Variants in SRFBP1 observed in about 807,000 individuals in gnomAD.
SRFBP1 encodes the protein serum response factor binding protein 1.
SRFBP1 carries 47 observed loss-of-function variants against 45.5 expected under a neutral mutation model. The ratio of observed to expected loss-of-function variants is 1.03; its 90% CI spans 0.82 to 1.32. The LOEUF is 1.32. Ranked by LOEUF, SRFBP1 falls within the 40% of genes most tolerant of loss-of-function variation. SRFBP1 has a pLI of 0.00. For synonymous variants in SRFBP1, 203 were observed against 166.3 expected, an observed-to-expected ratio of 1.22 and a Z score of -1.70; for missense variants, 621 against 484.6, an observed-to-expected ratio of 1.28 and a Z score of -2.64.
At chr5:122,014,896 AAAACAGGGATTTGG>A (rs1753166575) in intron 4 of SRFBP1, among the ~76,000 whole-genome samples, 1 of 152,208 alleles carries the variant, frequency 6.6e-6, no homozygotes, top group Non-Finnish European at 1.5e-5. Flanking sequence ...GCAAGTTGTC[AAAACAGGGATTTGG>A]AAACAGCAGT....
At chr5:122,020,884 G>T (rs925154633) in intron 6 of SRFBP1, 82 bp downstream of exon 6, 8 of 1,268,332 alleles carry the variant, frequency 6.3e-6, no homozygotes, top group Admixed American at 6.4e-5. Flanking sequence ...TACATGAAGA[G>T]ACTATAATTC....
At chr5:122,021,713 A>G (rs1471203095) in intron 6 of SRFBP1, among the ~76,000 whole-genome samples, 2 of 117,324 alleles carry the variant, frequency 1.7e-5, no homozygotes, top group African/African-American at 3.4e-5. Context: ...GTCTCACTCT[A>G]TCACCCAGGC....
intron 1 of SRFBP1, among the ~76,000 whole-genome samples, chr5:121,962,865 C>T (rs1263781017): frequency 6.6e-6 from 1 of 152,172 alleles, no homozygotes; most frequent in African/African-American, 2.4e-5. Flanking sequence ...CGTTTATGAG[C>T]AAGTCACTGT....
intron 7 of SRFBP1, among the ~76,000 whole-genome samples, chr5:122,025,692 G>A (rs17148711): frequency 0.05 from 7,627 of 152,228 alleles, 241 homozygotes; most frequent in African/African-American, 0.08. Context: ...TGTGATTTGT[G>A]TAAGATAAGG....
chr5:121,994,051 T>G (rs1296466044), intron 3 of SRFBP1, among the ~76,000 whole-genome samples: 1 of 152,054 alleles, frequency 6.6e-6, no homozygotes, highest in African/African-American at 2.4e-5. Flanking sequence ...GTTGTTAAGA[T>G]CTTGTAATTT....
At chr5:122,066,683 T>C in intron 2 of SRFBP1, 1 of 1,441,978 alleles carries the variant, frequency 6.9e-7, no homozygotes, top group East Asian at 2.3e-5. Flanking sequence ...AGTTAGTCTA[T>C]TTTTTCCCAC....
chr5:122,001,217 A>G (rs1488325578), intron 4 of SRFBP1, among the ~76,000 whole-genome samples: 1 of 151,676 alleles, frequency 6.6e-6, no homozygotes, highest in East Asian at 1.9e-4. Context: ...AATCATAACT[A>G]CTTGAGTAAA....
chr5:121,976,493 A>G (rs1752305966), intron 3 of SRFBP1, among the ~76,000 whole-genome samples: 1 of 151,858 alleles, frequency 6.6e-6, no homozygotes, highest in Non-Finnish European at 1.5e-5. Context: ...TGATATTCCT[A>G]TGAGAAATAA....
intron 4 of SRFBP1, among the ~76,000 whole-genome samples, chr5:122,001,940 TAAAAG>T (rs1752882091): frequency 6.6e-6 from 1 of 152,206 alleles, no homozygotes; most frequent in Non-Finnish European, 1.5e-5. Flanking sequence ...AGTTTATTTC[TAAAAG>T]AGAATTTATA....
downstream of SRFBP1, chr5:122,077,089 C>T (rs1225214749): frequency 3.9e-6 from 6 of 1,545,268 alleles, no homozygotes; most frequent in East Asian, 1.4e-4. The surrounding 1 kb of genome is among the most constrained non-coding windows in gnomAD (Gnocchi z 4.9). Context: ...CCTTACTCCT[C>T]ACCCTTCGCC....
At chr5:122,053,199 G>A (rs1656579986) in intron 2 of SRFBP1, among the ~76,000 whole-genome samples, 1 of 152,190 alleles carries the variant, frequency 6.6e-6, no homozygotes, top group Non-Finnish European at 1.5e-5. Flanking sequence ...AGTTCAGGTG[G>A]AAGCAGGACC....
intron 2 of SRFBP1, among the ~76,000 whole-genome samples, chr5:122,059,890 T>A (rs1481339830): frequency 6.6e-6 from 1 of 152,056 alleles, no homozygotes; most frequent in African/African-American, 2.4e-5. Flanking sequence ...AGGTGGTCAG[T>A]GGGAAAGAGT....
At chr5:121,967,773 A>C (rs1205251779) in intron 1 of SRFBP1, among the ~76,000 whole-genome samples, 3 of 152,204 alleles carry the variant, frequency 2.0e-5, no homozygotes, top group African/African-American at 7.2e-5. Context: ...AGGGGGACGG[A>C]GGTTGTGATG....
chr5:122,078,516 C>T (rs1446035838), downstream of SRFBP1, among the ~76,000 whole-genome samples: 1 of 152,038 alleles, frequency 6.6e-6, no homozygotes, highest in African/African-American at 2.4e-5. Flanking sequence ...TAATCTGGGG[C>T]GAACATGCAG....
At chr5:122,065,644 C>A (rs571304437) in intron 2 of SRFBP1, 1 of 152,132 alleles carries the variant, frequency 6.6e-6, no homozygotes, top group South Asian at 2.1e-4. Context: ...TCCTGAATAA[C>A]CCAGGATGAT....
intron 4 of SRFBP1, among the ~76,000 whole-genome samples, chr5:122,008,424 T>C (rs562735546): frequency 1.3e-5 from 2 of 152,232 alleles, no homozygotes; most frequent in African/African-American, 4.8e-5. Context: ...GGTTGTGTTT[T>C]GGGTTCCCAG....
intron 4 of SRFBP1, among the ~76,000 whole-genome samples, chr5:122,002,972 G>A (rs1268229785): frequency 6.6e-6 from 1 of 152,148 alleles, no homozygotes; most frequent in Non-Finnish European, 1.5e-5. Context: ...TAGAAAAGCT[G>A]TCTTTGTCAG....
rs543858343 is a variant in SRFBP1, at chr5:121,969,614, A to G, written c.37-4582A>G. 3.3e-5 allele frequency among the ~76,000 whole-genome samples: 5 copies of G among 152,176 alleles called. No homozygotes were observed. In the East Asian group the frequency reaches 9.7e-4, roughly 29 times the overall value. On this transcript the variant is annotated intron_variant, in intron 1 of 7. Transcript: ENST00000339397. ...TTTAGATTTTGCCAGGTTAACTTTA[A>G]AGGCTTCTGTATGTCTAATTTCTAG...
At chr5:122,003,112 A>G (rs1752907731) in intron 4 of SRFBP1, among the ~76,000 whole-genome samples, 2 of 152,156 alleles carry the variant, frequency 1.3e-5, no homozygotes, top group African/African-American at 2.4e-5. Flanking sequence ...GGAGGCCAAG[A>G]CAGATGGATC....
Sources: allele counts gnomAD v4.1 joint callset (sites outside exome capture counted in the v4.1 genomes callset), GRCh38; gene constraint gnomAD v4.1.1; non-coding constraint Gnocchi (gnomAD v3.1); transcripts MANE v1.5; gene names NCBI Gene and HGNC (gene_info 2026-07-23, HGNC 2026-07-21).